Variants in MGAM observed in about 807,000 individuals in gnomAD.
MGAM encodes maltase-glucoamylase, also known as alpha-1,4-glucosidase.
MGAM carries 253 observed loss-of-function variants against 358.8 expected under a neutral mutation model. The observed-to-expected ratio is 0.71, with a 90% CI of 0.64 to 0.78. The LOEUF (loss-of-function observed/expected upper bound fraction) is 0.78. Among genes scored for constraint, MGAM ranks in the 30% least tolerant of loss-of-function variants. The pLI, the probability that MGAM is intolerant of heterozygous loss-of-function variation, is 0.00. For missense variants in MGAM, 3,080 were observed against 3,432.6 expected (o/e 0.90, Z 2.57); for synonymous variants, 1,105 against 1,227.1 (o/e 0.90, Z 2.08).
At chr7:142,088,965 T>C (rs1290707863) in intron 57 of MGAM, among the ~76,000 whole-genome samples, 1 of 55,448 alleles carries the variant, frequency 1.8e-5, no homozygotes, top group Non-Finnish European at 3.6e-5. Flanking sequence ...CATCTATCTC[T>C]ATGTATGTAT....
chr7:142,105,699 A>C, intron 70 of MGAM, 115 bp from the exon 71 acceptor site: 2 of 741,514 alleles, frequency 2.7e-6, no homozygotes, highest in Non-Finnish European at 4.7e-6. Flanking sequence ...TTAACTAGAC[A>C]ATACAATGTA....
rs1810818815 is a variant in MGAM at position 142,050,289 on chromosome 7, G to A, written c.2637+5G>A. On this transcript the variant is annotated splice_donor_5th_base_variant and intron_variant, in intron 23 of 70. Transcript: ENST00000475668. ...TGTGAGTTTTCTGTCACTCAAGTGA[G>A]TAGCATATTTTTATGAATCTTAGGT... 6.2e-7 allele frequency: 1 copy of A among 1,612,848 alleles called. No individual in the cohort carries two copies. The highest frequency in any genetic ancestry group is 8.5e-7 in the Non-Finnish European group (1 of 1,178,972).
At chr7:142,103,201 TA>T in intron 69 of MGAM, 67 bp from the exon 70 acceptor site, 1 of 1,333,096 alleles carries the variant, frequency 7.5e-7, no homozygotes, top group Non-Finnish European at 1.0e-6. Flanking sequence ...CATTTGTGCC[TA>T]AAAAGAGGTT....
intron 7 of MGAM, among the ~76,000 whole-genome samples, chr7:142,024,362 CA>C (rs1165678315): frequency 6.6e-6 from 1 of 151,090 alleles, no homozygotes; most frequent in African/African-American, 2.4e-5. Flanking sequence ...TACCGTGAGC[CA>C]AGATCACACT....
chr7:142,095,515 C>G, intron 63 of MGAM, 50 bp from the exon 64 acceptor site: 2 of 1,610,760 alleles, frequency 1.2e-6, no homozygotes, highest in East Asian at 2.2e-5. Context: ...TTCTTAAATC[C>G]CCTAGAAATT....
chr7:142,036,740 G>A, intron 17 of MGAM, 83 bp from the exon 18 acceptor site: 2 of 1,423,430 alleles, frequency 1.4e-6, no homozygotes, highest in Non-Finnish European at 9.6e-7. Context: ...ATTCTTGGTT[G>A]TAATGAATGA....
chr7:142,056,002 C>G lies in MGAM; in HGVS notation c.3486C>G (p.Tyr1162Ter). 3.1e-6 allele frequency: 5 copies of G among 1,610,060 alleles called. No individual in the cohort carries two copies. Among genetic ancestry groups the G allele is most frequent in the Non-Finnish European group, 4.2e-6 (5 of 1,178,116 alleles). The change falls in exon 29 of 71, where the codon TAC becomes TAG. Residue 1162 changes from tyrosine (Y) to a stop codon, truncating the protein, a stop_gained and splice_region_variant. Coordinates refer to ENST00000475668, the MANE Select transcript of MGAM (RefSeq NM_001365693.1). LOFTEE classifies it high-confidence loss of function. The stretch of plus-strand genomic sequence containing the variant: ...TGCTTCTTCCCATGACTCCCCAGTA[C>G]AAGAAGAATTCCTATGGTGTCCACC... ...GMFSRDQPPGYKKNSYGVHPY... is the reference protein window; with the variant it reads ...GMFSRDQPPG
At chr7:142,097,557 G>T (rs1312663069) in intron 65 of MGAM, 36 bp from the exon 66 acceptor site, 3 of 1,589,708 alleles carry the variant, frequency 1.9e-6, no homozygotes, top group East Asian at 2.2e-5. Context: ...CTGGAAAATG[G>T]TGCCACTGCC....
Position 142,082,502 on chromosome 7 carries a change from C to A in MGAM, c.6199C>A (p.Pro2067Thr). The change falls in exon 52 of 71, where the codon CCC (proline) becomes ACC (threonine). Residue 2067 changes from proline to threonine, a missense_variant. By Grantham distance (38) the Pro-to-Thr change is conservative. Around this residue, in one of 5 missense-constraint regions of MGAM, gnomAD observed 932 missense variants for 1,198.2 expected, o/e 0.78. Coordinates refer to ENST00000475668, the MANE Select transcript of MGAM (RefSeq NM_001365693.1). The part of the protein sequence containing the change: ...GYKKNSYGVH[P>T]YYMGLEEDGS... ...CAAGAAGAATTCCTATGGTGTCCAC[C>A]CCTACTACATGGGGCTAGAGGAGGA... 1.3e-6 allele frequency: 2 copies of A among 1,534,528 alleles called. 1 individual carries two copies. Among genetic ancestry groups the A allele is most frequent in the East Asian group, 4.6e-5 (2 of 43,074 alleles).
intron 1 of MGAM, among the ~76,000 whole-genome samples, chr7:141,996,159 G>C (rs1189892035): frequency 6.6e-6 from 1 of 151,958 alleles, no homozygotes; most frequent in Non-Finnish European, 1.5e-5. Flanking sequence ...AATTAGCCGG[G>C]CATGGTGGCG....
rs573481378 is a variant in MGAM, at chr7:142,079,841, G to A, written c.5847+833G>A. ...CCCGAATTCTGAGTTTTTGTACATC[G>A]TCTAATGCAGGGATGATGCTGTTGT... On this transcript the variant is annotated intron_variant, in intron 49 of 70. Transcript: ENST00000475668. Among the ~76,000 whole-genome samples, 18 of 146,280 alleles carry A rather than the reference G, an allele frequency of 1.2e-4. 2 individuals are homozygous for A. In the East Asian group the frequency reaches 1.4e-3, roughly 11 times the overall value.
intron 4 of MGAM, among the ~76,000 whole-genome samples, chr7:142,020,406 T>C (rs1414235599): frequency 2.0e-5 from 3 of 152,010 alleles, no homozygotes; most frequent in Non-Finnish European, 4.4e-5. Context: ...TTAGGCTTAT[T>C]GGGGGAGGTT....
In MGAM at chr7:142,092,690, C is replaced by T. The variant is rs1343161360; in HGVS notation, c.7033+82C>T. The T allele has an allele frequency of 9.5e-6, 12 of 1,259,752 alleles. No homozygotes were observed. The African/African-American group carries it at 1.3e-4, about 13-fold the overall frequency. The allele number at this position is 1,259,752 out of a possible 1,614,324, so 78.0% of individuals were successfully genotyped here. ...TGGAGGAGCCCGAGGCCAGGGGTGG[C>T]CGCACAGCTCAGGGCACATCCTCAT... On this transcript the variant is annotated intron_variant, in intron 59 of 70. Coordinates refer to ENST00000475668, the MANE Select transcript of MGAM (RefSeq NM_001365693.1).
rs575790209 is a variant in MGAM at position 142,050,815 on chromosome 7, G to T, written c.2756G>T (p.Gly919Val). The T allele has an allele frequency of 1.2e-6, 2 of 1,613,752 alleles. No homozygotes were observed. The highest frequency in any genetic ancestry group is 1.3e-5 in the African/African-American group (1 of 75,030). The change falls in exon 24 of 71, where the codon GGT becomes GTT. Residue 919 changes from glycine (G) to valine (V), a missense_variant. Transcript: ENST00000475668. ...AGCAATGTTACAGTGAAACACAATG[G>T]TGTCCCAAGTCAGACTTCTCCTACA... ...EPSNVTVKHN[G>V]VPSQTSPTVT...
chr7:142,008,838 T>G, intron 3 of MGAM, 133 bp downstream of exon 3: 1 of 914,654 alleles, frequency 1.1e-6, no homozygotes, highest in East Asian at 2.6e-5. Flanking sequence ...CATTAGTGGC[T>G]CAGGCAAATT....
At chr7:142,010,773 C>A (rs782551185) in intron 3 of MGAM, among the ~76,000 whole-genome samples, 1 of 152,268 alleles carries the variant, frequency 6.6e-6, no homozygotes, top group South Asian at 2.1e-4. Context: ...TAAGACCCTA[C>A]CTCTGTGCCT....
chr7:141,988,387 CAG>C (rs1317923089), intron 2 of MGAM, among the ~76,000 whole-genome samples: 2 of 151,180 alleles, frequency 1.3e-5, no homozygotes, highest in Non-Finnish European at 2.9e-5. Context: ...TGTTTTGAGA[CAG>C]AGTCTCACTC....
chr7:142,021,960 C>T (rs529368726), intron 6 of MGAM, among the ~76,000 whole-genome samples: 14 of 152,050 alleles, frequency 9.2e-5, no homozygotes, highest in Admixed American at 5.2e-4. Flanking sequence ...TATTTCCCTC[C>T]GTCTATAATA....
rs773806959 is a variant in MGAM at position 142,094,584 on chromosome 7, G to A, written c.7307-36G>A. 1.5e-5 allele frequency: 24 copies of A among 1,566,384 alleles called. 4 individuals are homozygous for A. The Admixed American group carries it at 1.9e-4, about 12-fold the overall frequency. ...AGGTGAGGAGGCAGGTCGTGAGAGC[G>A]AGCCTGGTGTGACACAGCTGTGCTT... On this transcript the variant is annotated intron_variant, in intron 61 of 70. Transcript: ENST00000475668.
Sources: allele counts gnomAD v4.1 joint callset (sites outside exome capture counted in the v4.1 genomes callset), GRCh38; gene constraint gnomAD v4.1.1; regional missense constraint gnomAD v4.1.1; transcripts MANE v1.5; gene names NCBI Gene and HGNC (gene_info 2026-07-23, HGNC 2026-07-21).